Variants in PRELID2 observed in about 807,000 individuals in gnomAD.
PRELID2 encodes PRELI domain containing 2, also known as PRELI domain-containing protein 2.
A neutral mutation model predicts 28.4 loss-of-function variants in PRELID2; 25 were observed. That is an observed-to-expected ratio of 0.88 (90% CI 0.64 to 1.23). The LOEUF (loss-of-function observed/expected upper bound fraction) is 1.23. Ranked by LOEUF, PRELID2 falls within the 50% of genes most tolerant of loss-of-function variation. PRELID2 has a pLI of 0.00. For synonymous variants in PRELID2, 76 were observed against 71.6 expected, an observed-to-expected ratio of 1.06 and a Z score of -0.31; for missense variants, 201 against 214.4, an observed-to-expected ratio of 0.94 and a Z score of 0.39.
At chr5:145,252,679 A>G in the PRELID2 span, among the ~76,000 whole-genome samples, 4 of 152,064 alleles carry the variant, frequency 2.6e-5, no homozygotes, top group African/African-American at 9.7e-5. Flanking sequence ...ACAATACCTT[A>G]GATCAAAGAA....
the PRELID2 span, among the ~76,000 whole-genome samples, chr5:145,366,755 TTC>T: frequency 2.6e-5 from 4 of 151,912 alleles, no homozygotes; most frequent in East Asian, 1.9e-4. Context: ...CAATCTTGTC[TTC>T]TGTTTCCTCA....
At chr5:145,537,185 G>A (rs562588244) in intron 1 of PRELID2, among the ~76,000 whole-genome samples, 19 of 151,894 alleles carry the variant, frequency 1.3e-4, no homozygotes, top group Non-Finnish European at 2.4e-4. Flanking sequence ...TAGGGGAATA[G>A]AGAGGCATAA....
intron 1 of PRELID2, among the ~76,000 whole-genome samples, chr5:145,529,551 G>T (rs938648894): frequency 2.0e-5 from 3 of 152,118 alleles, no homozygotes; most frequent in Non-Finnish European, 4.4e-5. Flanking sequence ...ACTGTCACTT[G>T]TCCTCAGAGA....
chr5:145,413,506 A>C, the PRELID2 span, among the ~76,000 whole-genome samples: 2 of 152,132 alleles, frequency 1.3e-5, no homozygotes, highest in Non-Finnish European at 2.9e-5. Flanking sequence ...AAGTCATTAT[A>C]TGAGAAAGAT....
rs1757279486 is a variant in PRELID2, at chr5:145,757,078, TA to T, written c.*3457del. On this transcript the variant is annotated 3_prime_UTR_variant, in exon 7 of 7. Coordinates refer to ENST00000683046, the MANE Select transcript of PRELID2 (RefSeq NM_205846.3). ...TACTAAATTAAGAAATAGTTTGATG[TA>T]AATGATTGAAATAAAGTAAAAAAGA... Among the ~76,000 whole-genome samples the T allele has an allele frequency of 6.6e-6, 1 of 152,194 alleles. No homozygotes were observed. Among genetic ancestry groups the T allele is most frequent in the Non-Finnish European group, 1.5e-5 (1 of 68,032 alleles).
chr5:145,633,523 G>A (rs1191878361), intron 1 of PRELID2, among the ~76,000 whole-genome samples: 1 of 152,160 alleles, frequency 6.6e-6, no homozygotes, highest in Non-Finnish European at 1.5e-5. Flanking sequence ...ATGTCTTCAG[G>A]ACCAAGAAAA....
intron 5 of PRELID2, among the ~76,000 whole-genome samples, chr5:145,780,458 C>T (rs574167639): frequency 9.2e-5 from 14 of 152,272 alleles, no homozygotes; most frequent in African/African-American, 3.4e-4. Flanking sequence ...AATTAAATAG[C>T]TCAGCCAAGG....
the PRELID2 span, among the ~76,000 whole-genome samples, chr5:145,236,033 T>C: frequency 2.0e-5 from 3 of 152,150 alleles, no homozygotes; most frequent in Admixed American, 6.5e-5. Flanking sequence ...AATGAGTTGC[T>C]AGAAGATGCT....
chr5:145,385,483 T>G, the PRELID2 span, among the ~76,000 whole-genome samples: 1 of 152,114 alleles, frequency 6.6e-6, no homozygotes, highest in African/African-American at 2.4e-5. Flanking sequence ...CAACACTGTG[T>G]GGAGGAAAAA....
At chr5:145,741,673 A>AATTTATAAATAATTTATTT (rs1756774305) in intron 1 of PRELID2, among the ~76,000 whole-genome samples, 1 of 3,088 alleles carries the variant, frequency 3.2e-4, no homozygotes, top group African/African-American at 8.1e-4. Context: ...ATATATAAAT[A>AATTTATAAATAATTTATTT]ATTTATAAAT....
chr5:145,263,267 C>A, the PRELID2 span, among the ~76,000 whole-genome samples: 6 of 151,928 alleles, frequency 3.9e-5, no homozygotes, highest in Non-Finnish European at 2.9e-5. Context: ...CCAACAGAAC[C>A]AGATAAGGCA....
chr5:145,394,031 C>T, the PRELID2 span, among the ~76,000 whole-genome samples: 220 of 152,280 alleles, frequency 1.4e-3, 1 homozygote, highest in African/African-American at 5.2e-3. Context: ...GGCGATTCCT[C>T]AGGGATCTAG....
intron 1 of PRELID2, among the ~76,000 whole-genome samples, chr5:145,566,280 C>T (rs1206535080): frequency 1.3e-5 from 2 of 152,126 alleles, no homozygotes; most frequent in Admixed American, 6.5e-5. Context: ...AAACCAAAAC[C>T]CATCTACCTA....
At chr5:145,431,005 G>GTT in the PRELID2 span, among the ~76,000 whole-genome samples, 2 of 86,860 alleles carry the variant, frequency 2.3e-5, no homozygotes, top group South Asian at 3.6e-4. Flanking sequence ...CCCTGGCAAT[G>GTT]GTTTTTTTTT....
At chr5:145,250,162 G>A in the PRELID2 span, among the ~76,000 whole-genome samples, 3 of 152,020 alleles carry the variant, frequency 2.0e-5, no homozygotes. Flanking sequence ...TTACTCTTTA[G>A]AATTACAATG....
At chr5:145,680,039 T>C (rs1022026458) in intron 1 of PRELID2, among the ~76,000 whole-genome samples, 3 of 152,048 alleles carry the variant, frequency 2.0e-5, no homozygotes, top group Non-Finnish European at 4.4e-5. Context: ...AAAGGGGACA[T>C]GGATTATAAA....
intron 1 of PRELID2, among the ~76,000 whole-genome samples, chr5:145,519,707 T>TCAA (rs200102509): frequency 0.023 from 3,442 of 152,278 alleles, 130 homozygotes; most frequent in African/African-American, 0.08. Flanking sequence ...ATTAAAAAGC[T>TCAA]CAACATGTCT....
intron 1 of PRELID2, among the ~76,000 whole-genome samples, chr5:145,742,355 C>T (rs187399993): frequency 2.2e-5 from 3 of 136,328 alleles, no homozygotes; most frequent in South Asian, 2.2e-4. Flanking sequence ...ACATCCTACG[C>T]CAGAAAACAA....
At chr5:145,751,356 C>T (rs1011377412), downstream of PRELID2, among the ~76,000 whole-genome samples, 7 of 152,182 alleles carry the variant, frequency 4.6e-5, no homozygotes, top group African/African-American at 7.2e-5. Context: ...GCCTCAATCA[C>T]GGCTTCTCTA....
Sources: allele counts gnomAD v4.1 joint callset (sites outside exome capture counted in the v4.1 genomes callset), GRCh38; gene constraint gnomAD v4.1.1; transcripts MANE v1.5; gene names NCBI Gene and HGNC (gene_info 2026-07-23, HGNC 2026-07-21).